COP1: variants seen among roughly 807,000 people sequenced by gnomAD.
The protein encoded by COP1 is COP1 E3 ubiquitin ligase.
A neutral mutation model predicts 101.3 loss-of-function variants in COP1; 24 were observed. The ratio of observed to expected loss-of-function variants is 0.24; its 90% CI spans 0.17 to 0.33. The LOEUF (loss-of-function observed/expected upper bound fraction) is 0.33, where lower values mean the gene tolerates loss of function less well. Ranked by LOEUF, COP1 falls within the 10% of genes least tolerant of loss-of-function variation. The pLI is 1.00. For missense variants in COP1, 663 were observed against 906.2 expected (o/e 0.73, Z 3.45); for synonymous variants, 347 against 341.9 (o/e 1.01, Z -0.17).
intron 3 of COP1, among the ~76,000 whole-genome samples, chr1:176,171,124 CAAA>C (rs1174700907): frequency 3.7e-4 from 21 of 56,830 alleles, no homozygotes; most frequent in South Asian, 1.4e-3. Flanking sequence ...GACTCCATCT[CAAA>C]AAAAAAAAAA....
At chr1:176,019,370 G>A (rs1259141873) in intron 15 of COP1, among the ~76,000 whole-genome samples, 1 of 150,232 alleles carries the variant, frequency 6.7e-6, no homozygotes, top group East Asian at 2.0e-4. Flanking sequence ...GGCTGAGGCA[G>A]GAGAATCACT....
In COP1 at chr1:176,162,969, A is replaced by T; in HGVS notation, c.662T>A (p.Ile221Lys). The change falls in exon 5 of 20, where the codon ATA becomes AAA. Residue 221 changes from isoleucine to lysine, a missense_variant. Ile to Lys is a moderately radical substitution (Grantham distance 102). Coordinates refer to ENST00000367669, the MANE Select transcript of COP1 (RefSeq NM_022457.7). Reference protein sequence around the residue: ...VSSTNGHRWQIFQDWLGTDQD... With the variant: ...VSSTNGHRWQKFQDWLGTDQD... ...GTCAGTTCCCAACCAATCTTGAAAT[A>T]TCTGCCACCTGTGGCCATTCTAAAA... 1.2e-6 allele frequency: 2 copies of T among 1,605,454 alleles called. No homozygotes were observed. Among genetic ancestry groups the T allele is most frequent in the Non-Finnish European group, 1.7e-6 (2 of 1,176,288 alleles).
At position 176,021,941 on chromosome 1, in the gene COP1, T is replaced by A. The variant is rs538722141; in HGVS notation, c.1729+5631A>T. ...CTTCTATATACATACTTGTTAACTT[T>A]CGTGTTCACATCTTTATTATCTTTT... On this transcript the variant is annotated intron_variant, in intron 15 of 19. Transcript: ENST00000367669. Among the ~76,000 whole-genome samples the A allele has an allele frequency of 3.9e-5, 6 of 152,372 alleles. No individual in the cohort carries two copies. The East Asian group carries it at 1.2e-3, about 29-fold the overall frequency.
chr1:176,206,439 C>T (rs998927649), intron 1 of COP1, 133 bp downstream of exon 1: 1 of 1,049,790 alleles, frequency 9.5e-7, no homozygotes, highest in Non-Finnish European at 1.4e-6. Flanking sequence ...TCGATTCCCT[C>T]TGCAGACACC....
At chr1:176,092,508 T>C (rs1681509484) in intron 9 of COP1, among the ~76,000 whole-genome samples, 1 of 152,146 alleles carries the variant, frequency 6.6e-6, no homozygotes, top group East Asian at 1.9e-4. Flanking sequence ...ATCCAGAATA[T>C]ATCTATTTCT....
At chr1:175,986,782 A>G (rs1157209424) in intron 18 of COP1, among the ~76,000 whole-genome samples, 161 bp downstream of exon 18, 1 of 152,238 alleles carries the variant, frequency 6.6e-6, no homozygotes, top group Non-Finnish European at 1.5e-5. Flanking sequence ...ATGCATTTCA[A>G]TCACTACCTA....
At chr1:176,129,484 T>C (rs1374514917) in intron 8 of COP1, among the ~76,000 whole-genome samples, 2 of 152,028 alleles carry the variant, frequency 1.3e-5, no homozygotes, top group South Asian at 4.1e-4. Context: ...AGCAATCTCT[T>C]ATCAGTAAAA....
intron 14 of COP1, among the ~76,000 whole-genome samples, chr1:176,035,035 C>T (rs917958438): frequency 6.6e-6 from 1 of 152,092 alleles, no homozygotes; most frequent in African/African-American, 2.4e-5. Context: ...TAAGAGACAA[C>T]CCCAAAATTA....
intron 15 of COP1, among the ~76,000 whole-genome samples, chr1:175,992,363 T>G (rs993519836): frequency 6.6e-5 from 10 of 152,214 alleles, no homozygotes; most frequent in Admixed American, 6.5e-5. Flanking sequence ...GGTACCAGGT[T>G]CATCTCACTA....
At chr1:176,021,617 A>G (rs1011510773) in intron 15 of COP1, among the ~76,000 whole-genome samples, 2 of 152,218 alleles carry the variant, frequency 1.3e-5, no homozygotes, top group African/African-American at 4.8e-5. Flanking sequence ...TATTGCAAAT[A>G]AATAAATTGA....
chr1:175,947,298 G>C, intron 18 of COP1, 59 bp from the exon 19 acceptor site: 1 of 1,125,234 alleles, frequency 8.9e-7, no homozygotes, highest in South Asian at 1.3e-5. Context: ...AGCAATCCAA[G>C]AGATAATTTC....
At chr1:176,089,052 C>T (rs1183034349) in intron 9 of COP1, among the ~76,000 whole-genome samples, 1 of 151,446 alleles carries the variant, frequency 6.6e-6, no homozygotes, top group Non-Finnish European at 1.5e-5. Context: ...CCTGTAATCC[C>T]AGCACTTTGG....
At chr1:176,148,883 C>A in intron 6 of COP1, 123 bp downstream of exon 6, 1 of 595,042 alleles carries the variant, frequency 1.7e-6, no homozygotes, top group Non-Finnish European at 2.9e-6. Context: ...AAGGAAACCT[C>A]CTAAAAATTC....
chr1:175,972,858 G>A (rs1273631442), intron 18 of COP1, among the ~76,000 whole-genome samples: 2 of 152,160 alleles, frequency 1.3e-5, no homozygotes, highest in African/African-American at 2.4e-5. Flanking sequence ...TTGAGACGGA[G>A]TTTCGCTCTT....
chr1:176,123,548 T>C (rs1473693912), intron 8 of COP1, among the ~76,000 whole-genome samples: 1 of 152,104 alleles, frequency 6.6e-6, no homozygotes, highest in African/African-American at 2.4e-5. Flanking sequence ...TCACAGCATA[T>C]AAATGGAATT....
intron 15 of COP1, among the ~76,000 whole-genome samples, chr1:175,993,806 T>G (rs913695837): frequency 6.6e-6 from 1 of 152,174 alleles, no homozygotes; most frequent in East Asian, 1.9e-4. Flanking sequence ...TGGAACCAAG[T>G]TGGAAAACAC....
At chr1:176,099,247 G>A (rs1222986890) in intron 9 of COP1, among the ~76,000 whole-genome samples, 1 of 152,122 alleles carries the variant, frequency 6.6e-6, no homozygotes, top group Non-Finnish European at 1.5e-5. Flanking sequence ...TAATAACTTT[G>A]GAGATTGTAA....
intron 15 of COP1, among the ~76,000 whole-genome samples, chr1:176,017,896 T>C (rs930782158): frequency 2.6e-5 from 4 of 152,184 alleles, no homozygotes; most frequent in African/African-American, 4.8e-5. Flanking sequence ...TATCTCACTA[T>C]ACTGTTTTAG....
intron 18 of COP1, among the ~76,000 whole-genome samples, chr1:175,973,576 T>C (rs1454353280): frequency 6.6e-6 from 1 of 152,238 alleles, no homozygotes; most frequent in Non-Finnish European, 1.5e-5. Context: ...GAGATAACTT[T>C]GTAAGACTTA....
Sources: allele counts gnomAD v4.1 joint callset (sites outside exome capture counted in the v4.1 genomes callset), GRCh38; gene constraint gnomAD v4.1.1; transcripts MANE v1.5; gene names NCBI Gene and HGNC (gene_info 2026-07-23, HGNC 2026-07-21).